Variants in COLEC12 observed in about 807,000 individuals in gnomAD.
COLEC12 encodes the protein collectin-12.
In COLEC12, 33 loss-of-function variants were observed where a neutral mutation model predicts 71.1. The observed-to-expected ratio is 0.46, with a 90% CI of 0.35 to 0.62. The LOEUF is 0.62. Among genes scored for constraint, COLEC12 ranks in the 20% least tolerant of loss-of-function variants. COLEC12 has a pLI of 0.00. For missense variants in COLEC12, 765 were observed against 916.1 expected (o/e 0.84, Z 2.13); for synonymous variants, 350 against 353.0 (o/e 0.99, Z 0.10).
At chr18:390,754 C>T (rs531483685) in intron 2 of COLEC12, among the ~76,000 whole-genome samples, 4 of 151,918 alleles carry the variant, frequency 2.6e-5, no homozygotes, top group African/African-American at 7.2e-5. Flanking sequence ...AGTGAGACTC[C>T]GTCTCCGAAA....
intron 2 of COLEC12, among the ~76,000 whole-genome samples, chr18:369,461 T>TTA (rs1914952669): frequency 1.5e-5 from 2 of 136,720 alleles, no homozygotes; most frequent in South Asian, 4.6e-4. Context: ...TTTTTTTTTT[T>TTA]ATTATACTTT....
At chr18:354,883 GC>G (rs903261564) in intron 3 of COLEC12, among the ~76,000 whole-genome samples, 1 of 152,076 alleles carries the variant, frequency 6.6e-6, no homozygotes, top group African/African-American at 2.4e-5. Flanking sequence ...TGGTGAGACT[GC>G]CCCCACAGAG....
chr18:331,716 T>G lies in COLEC12; in HGVS notation c.2015A>C (p.Glu672Ala). The G allele has an allele frequency of 6.2e-7, 1 of 1,614,110 alleles. No homozygotes were observed. The highest frequency in any genetic ancestry group is 8.5e-7 in the Non-Finnish European group (1 of 1,179,928). ...ESHWIGLTDS[E>A]RENEWKWLDG... is the part of the protein sequence containing the mutation. ...CAGCCACTTCCATTCATTTTCACGC[T>G]CTGAGTCTGTGAGGCCGATCCAGTG... Residue 672 changes from glutamate (E) to alanine (A), a missense_variant, in exon 8 of 10, where the codon GAG becomes GCG. Glu to Ala is a moderately radical substitution (Grantham distance 107). Coordinates refer to ENST00000400256, the MANE Select transcript of COLEC12 (RefSeq NM_130386.3).
At position 346,717 on chromosome 18, in the gene COLEC12, G is replaced by C. The variant is rs746850830; in HGVS notation, c.905C>G (p.Thr302Ser). Reference sequence around the variant, plus strand: ...GTTCTGCTCGTTGGCTTGAGAGATAGTGGTGATGTTCTCCATCTGACCTGT... The same window carrying C: ...GTTCTGCTCGTTGGCTTGAGAGATACTGGTGATGTTCTCCATCTGACCTGT... ...SFTGQMENIT[T>S]ISQANEQNLK... Residue 302 changes from threonine to serine, a missense_variant, in exon 5 of 10, where the codon ACT (threonine) becomes AGT (serine). By Grantham distance (58) the Thr-to-Ser change is moderately conservative. Transcript: ENST00000400256. The surrounding 1 kb of genome is among the most constrained non-coding windows in gnomAD (Gnocchi z 4.0). 1 of 1,613,982 alleles carries C rather than the reference G, an allele frequency of 6.2e-7. No homozygotes were observed. The highest frequency in any genetic ancestry group is 1.7e-5 in the Admixed American group (1 of 59,922).
chr18:348,079 T>A lies in COLEC12; in HGVS notation c.266A>T (p.Asp89Val). The A allele has an allele frequency of 6.2e-7, 1 of 1,612,700 alleles. No homozygotes were observed. The highest frequency in any genetic ancestry group is 8.5e-7 in the Non-Finnish European group (1 of 1,178,920). ...TCACAGATTACCTAATTTTTTCAGGTCACTTTCCACTGCTGTGAGCTTGTC... is the reference window on the plus strand; with the variant it reads ...TCACAGATTACCTAATTTTTTCAGGACACTTTCCACTGCTGTGAGCTTGTC... ...YDDKLTAVES[D>V]LKKLGDQTGK... is the part of the protein sequence containing the mutation. Residue 89 changes from aspartate (D) to valine (V), a missense_variant, in exon 4 of 10, where the codon GAC (aspartate) becomes GTC (valine). Transcript: ENST00000400256.
In COLEC12 at chr18:408,572, C is replaced by G. The variant is rs1472887509; in HGVS notation, c.59-51050G>C. ...TCATAGCGGTCTCAAAGTTGAAATC[C>G]TCCAGGGAATTCAAGTATTACCAAA... On this transcript the variant is annotated intron_variant, in intron 2 of 9. Transcript: ENST00000400256. This position sits in a 1 kb window ranked among gnomAD's most constrained non-coding sequence, Gnocchi z 4.3. Among the ~76,000 whole-genome samples, 1 of 150,996 alleles carries G rather than the reference C, an allele frequency of 6.6e-6. No homozygotes were observed. Among genetic ancestry groups the G allele is most frequent in the Non-Finnish European group, 1.5e-5 (1 of 67,854 alleles).
In COLEC12 at chr18:500,172, A is replaced by G. The variant is rs928361298; in HGVS notation, c.7+336T>C. ...GGAAAAGCGACCGGGAGGGATGGCG[A>G]TGCCTCCACTCTCCTCGGCAGGTTT... On this transcript the variant is annotated intron_variant, in intron 1 of 9. Coordinates refer to ENST00000400256, the MANE Select transcript of COLEC12 (RefSeq NM_130386.3). The surrounding 1 kb of genome is among the most constrained non-coding windows in gnomAD (Gnocchi z 5.3). 2.0e-5 allele frequency among the ~76,000 whole-genome samples: 3 copies of G among 152,148 alleles called. No homozygotes were observed. Among genetic ancestry groups the G allele is most frequent in the African/African-American group, 7.2e-5 (3 of 41,444 alleles).
At chr18:329,109 G>A (rs531876447) in intron 8 of COLEC12, among the ~76,000 whole-genome samples, 2 of 152,312 alleles carry the variant, frequency 1.3e-5, no homozygotes, top group East Asian at 1.9e-4. Context: ...GTCTGGTGAC[G>A]TCATTCTTCT....
At chr18:440,794 T>C (rs1351774860) in intron 2 of COLEC12, among the ~76,000 whole-genome samples, 1 of 152,226 alleles carries the variant, frequency 6.6e-6, no homozygotes, top group East Asian at 1.9e-4. Flanking sequence ...ATTGGATTCT[T>C]CCAACATTTG....
At chr18:338,615 T>A (rs888128100) in intron 5 of COLEC12, among the ~76,000 whole-genome samples, 2 of 152,224 alleles carry the variant, frequency 1.3e-5, no homozygotes, top group Admixed American at 1.3e-4. Context: ...CCTATGCCAT[T>A]TAGTAAAGAT....
chr18:385,932 T>C (rs897281661), intron 2 of COLEC12, among the ~76,000 whole-genome samples: 2 of 152,218 alleles, frequency 1.3e-5, no homozygotes, highest in African/African-American at 4.8e-5. Context: ...TGATTTAATC[T>C]ACAAAATAAA....
At chr18:498,377 T>TTTTTTTTTTG (rs1178071975) in intron 1 of COLEC12, among the ~76,000 whole-genome samples, 12 of 138,290 alleles carry the variant, frequency 8.7e-5, no homozygotes, top group African/African-American at 1.7e-4. Context: ...TTTTTTTTTT[T>TTTTTTTTTTG]AGACGGAGTC....
At chr18:444,868 C>T (rs1165939470) in intron 2 of COLEC12, among the ~76,000 whole-genome samples, 4 of 152,238 alleles carry the variant, frequency 2.6e-5, no homozygotes, top group South Asian at 4.1e-4. Flanking sequence ...ATTGCAGTTT[C>T]GAAGGGTATG....
Position 399,107 on chromosome 18 carries a change from T to C in COLEC12, c.59-41585A>G, listed in dbSNP as rs1349449794. Among the ~76,000 whole-genome samples, 8 of 152,294 alleles carry C rather than the reference T, an allele frequency of 5.3e-5. No individual in the cohort carries two copies. The South Asian group carries it at 1.0e-3, about 20-fold the overall frequency. ...CACCCATGTACACTGGGCTACTCTG[T>C]CAGCAGCTCAAGGAACTGTTTAAAA... On this transcript the variant is annotated intron_variant, in intron 2 of 9. Coordinates refer to ENST00000400256, the MANE Select transcript of COLEC12 (RefSeq NM_130386.3). The surrounding 1 kb of genome is among the most constrained non-coding windows in gnomAD (Gnocchi z 4.0).
intron 2 of COLEC12, among the ~76,000 whole-genome samples, chr18:476,924 T>C (rs1917317089): frequency 6.6e-6 from 1 of 152,292 alleles, no homozygotes; most frequent in East Asian, 1.9e-4. Flanking sequence ...TTGAAAATGC[T>C]CACTTAATTA....
At chr18:326,607 C>A (rs974865193) in intron 8 of COLEC12, among the ~76,000 whole-genome samples, 9 of 152,190 alleles carry the variant, frequency 5.9e-5, no homozygotes, top group Non-Finnish European at 1.3e-4. Context: ...CCTTGGCCCC[C>A]CAAAGTGTTG....
chr18:444,834 C>T (rs557439373), intron 2 of COLEC12, among the ~76,000 whole-genome samples: 8 of 152,236 alleles, frequency 5.3e-5, no homozygotes, highest in African/African-American at 1.9e-4. Flanking sequence ...TCCAATCATC[C>T]CATGGGGTCT....
intron 3 of COLEC12, among the ~76,000 whole-genome samples, chr18:355,329 G>A (rs1373635672): frequency 6.6e-6 from 1 of 152,036 alleles, no homozygotes; most frequent in Non-Finnish European, 1.5e-5. Flanking sequence ...TTCGGGAGCT[G>A]CCATGTGTCT....
Position 331,682 on chromosome 18 carries a change from T to C in COLEC12, c.2049A>G (p.Thr683=). 6 of 1,608,860 alleles carry C rather than the reference T, an allele frequency of 3.7e-6. No homozygotes were observed. The highest frequency in any genetic ancestry group is 4.3e-6 in the Non-Finnish European group (5 of 1,175,196). Residue 683 remains threonine (T), a synonymous_variant, in exon 8 of 10, where the codon ACA becomes ACG. Coordinates refer to ENST00000400256, the MANE Select transcript of COLEC12 (RefSeq NM_130386.3). Reference sequence around the variant, plus strand: ...TGAGTACTTACTTGTAGTCTGGAGATGTCCCATCCAGCCACTTCCATTCAT... The same window carrying C: ...TGAGTACTTACTTGTAGTCTGGAGACGTCCCATCCAGCCACTTCCATTCAT... ...RENEWKWLDG[T]SPDYKNWKAG...
Sources: allele counts gnomAD v4.1 joint callset (sites outside exome capture counted in the v4.1 genomes callset), GRCh38; gene constraint gnomAD v4.1.1; non-coding constraint Gnocchi (gnomAD v3.1); transcripts MANE v1.5; gene names NCBI Gene and HGNC (gene_info 2026-07-23, HGNC 2026-07-21).